The following BNC2 variants were observed in gnomAD, a reference collection of about 807,000 sequenced individuals.
The protein encoded by BNC2 is basonuclin zinc finger protein 2, also known as zinc finger protein basonuclin-2.
A neutral mutation model predicts 76.3 loss-of-function variants in BNC2; 20 were observed. That is an observed-to-expected ratio of 0.26 (90% CI 0.18 to 0.38). The LOEUF is 0.38. Among genes scored for constraint, BNC2 ranks in the 10% least tolerant of loss-of-function variants. The pLI, the probability that BNC2 is intolerant of heterozygous loss-of-function variation, is 1.00. For synonymous variants in BNC2, 582 were observed against 514.8 expected, an observed-to-expected ratio of 1.13 and a Z score of -1.77; for missense variants, 1,382 against 1,399.8, an observed-to-expected ratio of 0.99 and a Z score of 0.20.
At chr9:16,823,114 C>T (rs1360611840) in intron 1 of BNC2, among the ~76,000 whole-genome samples, 1 of 152,064 alleles carries the variant, frequency 6.6e-6, no homozygotes, top group Non-Finnish European at 1.5e-5. Flanking sequence ...GCTAAGTTTC[C>T]TGAATAGAAT....
At chr9:16,632,197 CT>C (rs372340838) in intron 3 of BNC2, among the ~76,000 whole-genome samples, 3,179 of 152,008 alleles carry the variant, frequency 0.021, 85 homozygotes, top group South Asian at 0.14. Flanking sequence ...CTATTCCCTC[CT>C]TTTTTTTAAT....
At chr9:16,430,007 G>C (rs1234611608) in intron 6 of BNC2, 1 of 510,044 alleles carries the variant, frequency 2.0e-6, no homozygotes, top group Non-Finnish European at 3.9e-6. Context: ...TATCTAAAAA[G>C]AACCCCAGGG....
intron 1 of BNC2, among the ~76,000 whole-genome samples, chr9:16,788,307 A>T (rs1054091104): frequency 3.8e-4 from 57 of 151,962 alleles, no homozygotes; most frequent in Admixed American, 3.4e-3. Flanking sequence ...TAATCCCAGC[A>T]CTCTGGGAGG....
At chr9:16,711,102 C>A (rs1563910422) in intron 3 of BNC2, among the ~76,000 whole-genome samples, 1 of 152,140 alleles carries the variant, frequency 6.6e-6, no homozygotes, top group Non-Finnish European at 1.5e-5. Flanking sequence ...TCCTCCTCCT[C>A]CCCTCCCCCC....
intron 3 of BNC2, among the ~76,000 whole-genome samples, chr9:16,655,763 C>T (rs976344630): frequency 6.6e-6 from 1 of 152,130 alleles, no homozygotes; most frequent in African/African-American, 2.4e-5. Flanking sequence ...TTCCAAATGG[C>T]AAAATTCTCC....
intron 6 of BNC2, among the ~76,000 whole-genome samples, chr9:16,430,589 C>A (rs1820889990): frequency 6.6e-6 from 1 of 152,200 alleles, no homozygotes; most frequent in Admixed American, 6.5e-5. Flanking sequence ...GTTTTCGCAT[C>A]TTCACCTCTG....
chr9:16,431,625 C>A, intron 6 of BNC2: 1 of 281,166 alleles, frequency 3.6e-6, no homozygotes, highest in African/African-American at 2.2e-5. Context: ...CAAAATCTAA[C>A]ACTACACCTT....
At chr9:16,622,089 TC>T (rs1820882183) in intron 3 of BNC2, among the ~76,000 whole-genome samples, 2 of 152,134 alleles carry the variant, frequency 1.3e-5, no homozygotes, top group African/African-American at 4.8e-5. Flanking sequence ...CTTCTTAACC[TC>T]CTGAGCTTCA....
rs368223401 is a variant in BNC2 at position 16,603,059 on chromosome 9, T to C, written c.331-19974A>G. Among the ~76,000 whole-genome samples the C allele has an allele frequency of 2.6e-4, 40 of 152,340 alleles. No individual in the cohort carries two copies. In the East Asian group the frequency reaches 5.2e-3, roughly 20 times the overall value. On this transcript the variant is annotated intron_variant, in intron 3 of 6. Coordinates refer to ENST00000380672, the MANE Select transcript of BNC2 (RefSeq NM_017637.6). ...CTGGAATATTGTTCTCCAAGTAGCA[T>C]TACATGCTTCGAAAAGATGCTGATG... is the stretch of plus-strand genomic sequence containing the variant.
chr9:16,668,646 T>C (rs1056319554), intron 3 of BNC2, among the ~76,000 whole-genome samples: 9 of 152,236 alleles, frequency 5.9e-5, no homozygotes, highest in Middle Eastern at 3.2e-3. Flanking sequence ...TTTTGATATA[T>C]TGAGTTCTTT....
At chr9:16,420,384 T>G (rs2119072666) in intron 6 of BNC2, among the ~76,000 whole-genome samples, 1 of 152,298 alleles carries the variant, frequency 6.6e-6, no homozygotes, top group Admixed American at 6.5e-5. Flanking sequence ...TGCATTTTAG[T>G]GTCCAAAATA....
intron 5 of BNC2, among the ~76,000 whole-genome samples, chr9:16,472,087 TCAGTTATGTCTTTATCAA>T (rs1295506594): frequency 6.6e-6 from 1 of 152,186 alleles, no homozygotes; most frequent in East Asian, 1.9e-4. Flanking sequence ...GTTCCCAGTT[TCAGTTATGTCTTTATCAA>T]CAGCATGAAA....
intron 3 of BNC2, among the ~76,000 whole-genome samples, chr9:16,585,325 C>A (rs951488222): frequency 1.4e-4 from 21 of 152,154 alleles, no homozygotes; most frequent in African/African-American, 4.8e-4. Context: ...TTGGTACATT[C>A]GGGAATTCAA....
chr9:16,804,409 T>A (rs879284607), intron 1 of BNC2, among the ~76,000 whole-genome samples: 4 of 152,178 alleles, frequency 2.6e-5, no homozygotes, highest in Admixed American at 2.6e-4. Context: ...AGCTGCAGTA[T>A]CAAGTCCAAA....
intron 3 of BNC2, among the ~76,000 whole-genome samples, chr9:16,707,075 G>A (rs956811041): frequency 9.9e-5 from 15 of 152,218 alleles, no homozygotes; most frequent in South Asian, 6.2e-4. Flanking sequence ...GATGGTGGGC[G>A]CCTGTAGTCC....
chr9:16,479,363 G>A (rs1017350036), intron 5 of BNC2, among the ~76,000 whole-genome samples: 1 of 152,092 alleles, frequency 6.6e-6, no homozygotes, highest in Non-Finnish European at 1.5e-5. Context: ...GTTCATGTGT[G>A]TGTTTCAGAC....
At chr9:16,692,552 G>C (rs1823205141) in intron 3 of BNC2, among the ~76,000 whole-genome samples, 1 of 152,082 alleles carries the variant, frequency 6.6e-6, no homozygotes, top group Non-Finnish European at 1.5e-5. Context: ...TCTGTAAATG[G>C]TACTCTGCCC....
rs144511624 is a variant in BNC2, at chr9:16,526,467, C to CTTTT, written c.669+26059_669+26062dup. ...GATTACTTCCCAACATAGTTTAATG[C>CTTTT]TTTTTTTTTTTTTTTTTTTTTTTTT... On this transcript the variant is annotated intron_variant, in intron 5 of 6. Transcript: ENST00000380672. Among the ~76,000 whole-genome samples the CTTTT allele has an allele frequency of 1.8e-4, 9 of 48,792 alleles. 1 individual carries two copies. The highest frequency in any genetic ancestry group is 3.4e-4 in the African/African-American group (4 of 11,636). The allele number at this position is 48,792 out of a possible 152,430, so 32.0% of individuals were successfully genotyped here.
At position 16,596,329 on chromosome 9, in the gene BNC2, T is replaced by C. The variant is rs2133238065; in HGVS notation, c.331-13244A>G. The stretch of plus-strand genomic sequence containing the variant: ...CAGTATGAAATATCCAAGGGGCTTT[T>C]TATGTTTTCCTATAGGTACGTGAAT... On this transcript the variant is annotated intron_variant, in intron 3 of 6. Transcript: ENST00000380672. Among the ~76,000 whole-genome samples the C allele has an allele frequency of 2.0e-5, 3 of 152,224 alleles. No homozygotes were observed. The South Asian group carries it at 6.2e-4, about 32-fold the overall frequency.
Sources: allele counts gnomAD v4.1 joint callset (sites outside exome capture counted in the v4.1 genomes callset), GRCh38; gene constraint gnomAD v4.1.1; transcripts MANE v1.5; gene names NCBI Gene and HGNC (gene_info 2026-07-23, HGNC 2026-07-21).